CHRDL1: variants seen among roughly 807,000 people sequenced by gnomAD.
CHRDL1 encodes the protein chordin-like protein 1.
In CHRDL1, 19 loss-of-function variants were observed where a neutral mutation model predicts 40.9. The ratio of observed to expected loss-of-function variants is 0.46; its 90% CI spans 0.32 to 0.68. The LOEUF is 0.68. CHRDL1 is among the 30% of genes least tolerant of loss of function. The pLI is 0.03. For synonymous variants in CHRDL1, 136 were observed against 123.4 expected (o/e 1.10, Z -0.68); for missense variants, 329 against 352.1 (o/e 0.93, Z 0.53).
intron 4 of CHRDL1, among the ~76,000 whole-genome samples, chrX:110,732,789 G>A (rs1047844476): frequency 9.1e-6 from 1 of 110,164 alleles, no homozygotes; most frequent in Non-Finnish European, 1.9e-5. Flanking sequence ...GGGGGGCAGG[G>A]GGAGGGCCCA....
chrX:110,697,217 T>C (rs1056972870), intron 7 of CHRDL1, among the ~76,000 whole-genome samples: 1 of 110,917 alleles, frequency 9.0e-6, no homozygotes, highest in Non-Finnish European at 1.9e-5. Context: ...AACAGTTCTT[T>C]TCCAGTGTTG....
chrX:110,760,846 C>T (rs2089550755), intron 3 of CHRDL1, among the ~76,000 whole-genome samples: 1 of 111,368 alleles, frequency 9.0e-6, no homozygotes. Flanking sequence ...CACAGAAGCT[C>T]CTCAGGTATC....
chrX:110,675,249 A>G lies in CHRDL1; in HGVS notation c.*982T>C, dbSNP rs1169427974. The stretch of plus-strand genomic sequence containing the variant: ...AAATATTAGTGAGTACTGATCTATT[A>G]CTTGGTAAATTTTATTGATGTGAAA... On this transcript the variant is annotated 3_prime_UTR_variant, in exon 12 of 12. Coordinates refer to ENST00000372042, the MANE Select transcript of CHRDL1 (RefSeq NM_001143981.2). The G allele has an allele frequency of 1.8e-5, 2 of 112,043 alleles. No individual in the cohort carries two copies. The highest frequency in any genetic ancestry group is 3.7e-4 in the South Asian group (1 of 2,695). 9.2% of individuals were successfully genotyped at this position (112,043 alleles called of 1,213,427 possible).
chrX:110,783,356 G>C (rs1315923141), intron 2 of CHRDL1, among the ~76,000 whole-genome samples: 1 of 111,938 alleles, frequency 8.9e-6, no homozygotes, highest in African/African-American at 3.3e-5. Context: ...AGACGTGTTT[G>C]AGCATGGTTG....
At chrX:110,700,885 G>A (rs759379612) in intron 6 of CHRDL1, among the ~76,000 whole-genome samples, 164 bp from the exon 7 acceptor site, 1 of 112,054 alleles carries the variant, frequency 8.9e-6, no homozygotes, top group Non-Finnish European at 1.9e-5. Context: ...ATTTCTCTGG[G>A]TGTGCCTCAT....
chrX:110,767,192 A>G (rs1262176561), intron 2 of CHRDL1, among the ~76,000 whole-genome samples: 3 of 111,962 alleles, frequency 2.7e-5, no homozygotes, highest in African/African-American at 9.7e-5. Context: ...GACATACCTT[A>G]ATGTAATAAA....
At chrX:110,714,434 CT>C (rs2070803457) in intron 6 of CHRDL1, among the ~76,000 whole-genome samples, 1 of 111,963 alleles carries the variant, frequency 8.9e-6, no homozygotes, top group Non-Finnish European at 1.9e-5. Flanking sequence ...GAGAGCATGT[CT>C]TTTGCAGGAA....
Position 110,681,516 on chromosome X carries a change from A to C in CHRDL1, c.1122T>G (p.Pro374=), listed in dbSNP as rs781766118. The change falls in exon 10 of 12, where the codon CCT becomes CCG. Residue 374 remains proline (P), a synonymous_variant. Coordinates refer to ENST00000372042, the MANE Select transcript of CHRDL1 (RefSeq NM_001143981.2). Reference sequence around the variant, plus strand: ...TAGTCCAAACGTGGACCTCTACCTGAGGTGGTCTCTCAGTCTCCAGTGCTA... The same window carrying C: ...TAGTCCAAACGTGGACCTCTACCTGCGGTGGTCTCTCAGTCTCCAGTGCTA... ...RKIALETERP[P]QVEVHVWTIR... The C allele has an allele frequency of 2.6e-5, 32 of 1,207,916 alleles. No individual in the cohort carries two copies. In the Middle Eastern group the frequency reaches 9.2e-4, roughly 35 times the overall value.
At chrX:110,785,977 T>G (rs1363279105) in intron 2 of CHRDL1, among the ~76,000 whole-genome samples, 1 of 112,457 alleles carries the variant, frequency 8.9e-6, no homozygotes, top group African/African-American at 3.2e-5. Context: ...AATTATAATT[T>G]AATATTTGCC....
At chrX:110,783,990 T>C (rs756856341) in intron 2 of CHRDL1, among the ~76,000 whole-genome samples, 1 of 112,055 alleles carries the variant, frequency 8.9e-6, no homozygotes, top group Non-Finnish European at 1.9e-5. Context: ...TTATAACACA[T>C]GGTCAGTGGA....
At chrX:110,792,023 G>C in intron 2 of CHRDL1, 65 bp downstream of exon 2, 1 of 700,562 alleles carries the variant, frequency 1.4e-6, no homozygotes, top group Non-Finnish European at 2.2e-6. Flanking sequence ...AATTGCTACA[G>C]ATTATAGCCA....
chrX:110,773,030 A>C lies in CHRDL1; in HGVS notation c.95-10223T>G, dbSNP rs764436558. ...AATGACCAATGTCACAATCCATAAAAGCACTCTATTTTGCTACCAAATACT... is the reference window on the plus strand; with the variant it reads ...AATGACCAATGTCACAATCCATAAACGCACTCTATTTTGCTACCAAATACT... On this transcript the variant is annotated intron_variant, in intron 2 of 11. Transcript: ENST00000372042. Among the ~76,000 whole-genome samples, 19 of 112,523 alleles carry C rather than the reference A, an allele frequency of 1.7e-4. No individual in the cohort carries two copies. In the East Asian group the frequency reaches 4.2e-3, roughly 25 times the overall value.
intron 2 of CHRDL1, among the ~76,000 whole-genome samples, chrX:110,770,743 T>C (rs1312876840): frequency 9.1e-6 from 1 of 109,847 alleles, no homozygotes; most frequent in African/African-American, 3.2e-5. Context: ...ACAATGTGAA[T>C]AACTGTATGC....
At position 110,688,800 on chromosome X, in the gene CHRDL1, C is replaced by A. The variant is rs387906713; in HGVS notation, c.782G>T (p.Cys261Phe). Residue 261 changes from cysteine (C) to phenylalanine (F), a missense_variant, in exon 9 of 12, where the codon TGT (cysteine) becomes TTT (phenylalanine). Cys to Phe is a radical substitution (Grantham distance 205). Transcript: ENST00000372042. ...INNKHKHGQV[C>F]VSNGKTYSHG... is the part of the protein sequence containing the mutation. ...AGAATAGGTCTTTCCATTGGAAACA[C>A]ACACTGAAAGAGAATGCAGAATTAG... 1 of 1,196,776 alleles carries A rather than the reference C, an allele frequency of 8.4e-7. No homozygotes were observed. Among genetic ancestry groups the A allele is most frequent in the Non-Finnish European group, 1.1e-6 (1 of 883,415 alleles).
intron 4 of CHRDL1, among the ~76,000 whole-genome samples, chrX:110,743,991 T>C (rs1398817405): frequency 9.0e-6 from 1 of 111,395 alleles, no homozygotes; most frequent in Non-Finnish European, 1.9e-5. Flanking sequence ...AGAGGAGAAT[T>C]AAACTTTTGT....
chrX:110,692,574 C>T (rs1462436513), intron 8 of CHRDL1, among the ~76,000 whole-genome samples: 2 of 112,307 alleles, frequency 1.8e-5, no homozygotes, highest in African/African-American at 6.5e-5. Flanking sequence ...AATACTTTCA[C>T]AGCAAATGGA....
intron 6 of CHRDL1, among the ~76,000 whole-genome samples, chrX:110,702,831 C>T (rs762501488): frequency 9.0e-6 from 1 of 111,724 alleles, no homozygotes; most frequent in East Asian, 2.8e-4. Flanking sequence ...ATATTAGAAT[C>T]CCCCCATGAC....
intron 5 of CHRDL1, among the ~76,000 whole-genome samples, chrX:110,720,887 C>G (rs1363526604): frequency 8.9e-6 from 1 of 111,797 alleles, no homozygotes; most frequent in East Asian, 2.8e-4. Context: ...TGGTAGTCAT[C>G]ATGACCAAGC....
chrX:110,769,342 C>T (rs753317100), intron 2 of CHRDL1, among the ~76,000 whole-genome samples: 17 of 111,880 alleles, frequency 1.5e-4, no homozygotes, highest in African/African-American at 4.9e-4. Flanking sequence ...ATTTTCCTGA[C>T]GATCAAAATT....
Sources: gnomAD v4.1 joint callset for allele counts (sites outside exome capture counted in the v4.1 genomes callset) on GRCh38, gnomAD v4.1.1 for gene constraint, MANE v1.5 for transcripts, NCBI Gene and HGNC (gene_info 2026-07-23, HGNC 2026-07-21) for gene names.